Variants in PTGES3 observed in about 807,000 individuals in gnomAD.
PTGES3 encodes the protein Hsp90 co-chaperone.
In PTGES3, 5 loss-of-function variants were observed where a neutral mutation model predicts 29.9. The observed-to-expected ratio is 0.17, with a 90% CI of 0.09 to 0.35. PTGES3 has a LOEUF of 0.35. PTGES3 is among the 10% of genes least tolerant of loss of function. The pLI is 1.00. For missense variants in PTGES3, 128 were observed against 190.0 expected (o/e 0.67, Z 1.92); for synonymous variants, 49 against 57.8 (o/e 0.85, Z 0.69).
chr12:56,665,981 T>C lies in PTGES3; in HGVS notation c.438+223A>G, dbSNP rs139235924. The C allele has an allele frequency of 1.2e-4, 149 of 1,272,876 alleles. No individual in the cohort carries two copies. In the East Asian group the frequency reaches 4.5e-3, roughly 38 times the overall value. 78.8% of individuals were successfully genotyped at this position (1,272,876 alleles called of 1,614,324 possible). On this transcript the variant is annotated intron_variant, in intron 6 of 7. Transcript: ENST00000262033. ...TATAATGTCTCTATACAATGATTCT[T>C]TGGAAATCTAATCCATTTAGGAATG...
Position 56,663,432 on chromosome 12 carries a change from T to C in PTGES3, c.*1047A>G, listed in dbSNP as rs1211365215. On this transcript the variant is annotated 3_prime_UTR_variant, in exon 8 of 8. Transcript: ENST00000262033. ...CAACTGCTGCAAAGTGCATCTACAA[T>C]ATGCTATTACAGATCCACTTTTAAA... 1.3e-5 allele frequency: 2 copies of C among 152,218 alleles called. No individual in the cohort carries two copies. Among genetic ancestry groups the C allele is most frequent in the Non-Finnish European group, 2.9e-5 (2 of 68,032 alleles). 9.4% of individuals were successfully genotyped at this position (152,218 alleles called of 1,614,324 possible). A position where few individuals can be genotyped will look rare whatever the true frequency, so the allele number is the denominator to read the frequency against.
rs1951710380 is a variant in PTGES3 at position 56,664,238 on chromosome 12, A to C, written c.*241T>G. 2.5e-6 allele frequency: 1 copy of C among 399,276 alleles called. No individual in the cohort carries two copies. The highest frequency in any genetic ancestry group is 5.4e-5 in the East Asian group (1 of 18,642). 24.7% of individuals were successfully genotyped at this position (399,276 alleles called of 1,614,324 possible). A position where few individuals can be genotyped will look rare whatever the true frequency, so the allele number is the denominator to read the frequency against. On this transcript the variant is annotated 3_prime_UTR_variant, in exon 8 of 8. Transcript: ENST00000262033. ...GCCTAGGACCTCAACAGCTTCATGA[A>C]AGTCTGGGAAATGTTCATGCATAAG...
chr12:56,677,495 C>T (rs1051691303), intron 1 of PTGES3, among the ~76,000 whole-genome samples: 1 of 151,874 alleles, frequency 6.6e-6, no homozygotes, highest in Non-Finnish European at 1.5e-5. Context: ...GTCTTAGCAG[C>T]CTAGTAGCTA....
intron 1 of PTGES3, among the ~76,000 whole-genome samples, chr12:56,682,237 G>A (rs1429233440): frequency 6.6e-6 from 1 of 152,116 alleles, no homozygotes; most frequent in African/African-American, 2.4e-5. Context: ...TTCAGCTTCA[G>A]AATACAAAAT....
intron 1 of PTGES3, among the ~76,000 whole-genome samples, chr12:56,682,799 G>C (rs1371688422): frequency 6.6e-6 from 1 of 151,542 alleles, no homozygotes; most frequent in Non-Finnish European, 1.5e-5. Context: ...TGGGATGATT[G>C]CCTGAGCAAA....
chr12:56,669,919 A>C (rs1304398983), intron 5 of PTGES3, among the ~76,000 whole-genome samples: 2 of 149,994 alleles, frequency 1.3e-5, no homozygotes, highest in Admixed American at 1.4e-4. Context: ...AAAAGTTTAT[A>C]GTCTTATTTT....
In PTGES3 at chr12:56,687,911, G is replaced by C. The variant is rs1306357106; in HGVS notation, c.2+87C>G. 3.1e-6 allele frequency: 5 copies of C among 1,599,482 alleles called. No individual in the cohort carries two copies. The Admixed American group carries it at 6.8e-5, about 22-fold the overall frequency. Reference sequence around the variant, plus strand: ...GGAACGACTGCCACCACCGATGCGAGAAAGGCTAGGGGGCCGCTTCCAGGG... The same window carrying C: ...GGAACGACTGCCACCACCGATGCGACAAAGGCTAGGGGGCCGCTTCCAGGG... On this transcript the variant is annotated intron_variant, in intron 1 of 7. Coordinates refer to ENST00000262033, the MANE Select transcript of PTGES3 (RefSeq NM_006601.7).
intron 5 of PTGES3, 99 bp downstream of exon 5, chr12:56,670,176 A>C: frequency 1.3e-6 from 1 of 743,824 alleles, no homozygotes; most frequent in Non-Finnish European, 2.3e-6. Flanking sequence ...AATAACATGC[A>C]TCATGAATAC....
intron 1 of PTGES3, among the ~76,000 whole-genome samples, chr12:56,684,072 C>T (rs1565878599): frequency 6.6e-6 from 1 of 151,910 alleles, no homozygotes; most frequent in East Asian, 1.9e-4. Context: ...AATATGCTCA[C>T]TAGAGTATTT....
chr12:56,674,921 T>C (rs1952165668), intron 1 of PTGES3, among the ~76,000 whole-genome samples: 1 of 135,662 alleles, frequency 7.4e-6, no homozygotes, highest in Non-Finnish European at 1.5e-5. Flanking sequence ...GGAGAATCGC[T>C]TGAACCTGGG....
In PTGES3 at chr12:56,679,408, CAAAAAAAAAA is replaced by C. The variant is rs770485836; in HGVS notation, c.3-6353_3-6344del. ...TGGGCAACAGAGTGAGACTCTGCCTCAAAAAAAAAAAAAAAAAAAAAAAGCATGGAATGTC... is the reference window on the plus strand; with the variant it reads ...TGGGCAACAGAGTGAGACTCTGCCTCAAAAAAAAAAAAAGCATGGAATGTC... On this transcript the variant is annotated intron_variant, in intron 1 of 7. Coordinates refer to ENST00000262033, the MANE Select transcript of PTGES3 (RefSeq NM_006601.7). Among the ~76,000 whole-genome samples the C allele has an allele frequency of 1.1e-4, 7 of 65,120 alleles. No individual in the cohort carries two copies. In the South Asian group the frequency reaches 4.1e-3, roughly 38 times the overall value. The allele number at this position is 65,120 out of a possible 152,430, so 42.7% of individuals were successfully genotyped here.
intron 6 of PTGES3, chr12:56,665,592 A>G (rs1237005219): frequency 3.0e-6 from 3 of 985,456 alleles, no homozygotes; most frequent in East Asian, 2.3e-4. Flanking sequence ...CAATCCTGAC[A>G]TAAAACCTAT....
chr12:56,683,851 C>T (rs373831767), intron 1 of PTGES3, among the ~76,000 whole-genome samples: 135 of 149,238 alleles, frequency 9.0e-4, no homozygotes, highest in African/African-American at 3.1e-3. Flanking sequence ...CCCAGCTACT[C>T]GGGAGGCTGA....
At chr12:56,665,171 T>C (rs550187435) in intron 6 of PTGES3, 360 of 985,228 alleles carry the variant, frequency 3.7e-4, no homozygotes, top group Non-Finnish European at 4.2e-4. Context: ...TTAAGTGTTT[T>C]TCTAAATAGC....
chr12:56,668,390 C>G (rs534295580), intron 5 of PTGES3, among the ~76,000 whole-genome samples: 1 of 152,176 alleles, frequency 6.6e-6, no homozygotes, highest in Admixed American at 6.5e-5. Context: ...TAAGAGATAA[C>G]AACAAAAACT....
chr12:56,687,485 G>A (rs982573329), intron 1 of PTGES3: 2 of 992,286 alleles, frequency 2.0e-6, no homozygotes, highest in Non-Finnish European at 2.4e-6. Context: ...CCTTCTAGTT[G>A]CCTAGCAGTA....
chr12:56,663,491 T>C lies in PTGES3; in HGVS notation c.*988A>G, dbSNP rs1951680799. 6.6e-6 allele frequency: 1 copy of C among 152,396 alleles called. No homozygotes were observed. Among genetic ancestry groups the C allele is most frequent in the African/African-American group, 2.4e-5 (1 of 41,456 alleles). 9.4% of individuals were successfully genotyped at this position (152,396 alleles called of 1,614,324 possible). On this transcript the variant is annotated 3_prime_UTR_variant, in exon 8 of 8. Transcript: ENST00000262033. ...TGTGACATTACAGCAAGCCTCTTTT[T>C]TCAAACAGAGGAATAATCCCAAATT... is the stretch of plus-strand genomic sequence containing the variant.
Position 56,664,187 on chromosome 12 carries a change from T to C in PTGES3, c.*292A>G. 7.5e-6 allele frequency: 2 copies of C among 266,676 alleles called. No individual in the cohort carries two copies. The highest frequency in any genetic ancestry group is 1.4e-5 in the Non-Finnish European group (2 of 137,974). The allele number at this position is 266,676 out of a possible 1,614,324, so 16.5% of individuals were successfully genotyped here. A position where few individuals can be genotyped will look rare whatever the true frequency, so the allele number is the denominator to read the frequency against. ...AAAGGAGACTTAGGTGAGATGTTTT[T>C]ATTTATCGCAACTGCTGCATTAATT... is the stretch of plus-strand genomic sequence containing the variant. On this transcript the variant is annotated 3_prime_UTR_variant, in exon 8 of 8. Coordinates refer to ENST00000262033, the MANE Select transcript of PTGES3 (RefSeq NM_006601.7).
chr12:56,687,699 A>G, intron 1 of PTGES3: 1 of 1,317,464 alleles, frequency 7.6e-7, no homozygotes, highest in Non-Finnish European at 9.7e-7. Context: ...CGGGAGCTTA[A>G]GGCCTAGGGT....
Sources: gnomAD v4.1 joint callset for allele counts (sites outside exome capture counted in the v4.1 genomes callset) on GRCh38, gnomAD v4.1.1 for gene constraint, MANE v1.5 for transcripts, NCBI Gene and HGNC (gene_info 2026-07-23, HGNC 2026-07-21) for gene names.